GALNT18: variants seen among roughly 807,000 people sequenced by gnomAD.
The protein encoded by GALNT18 is polypeptide N-acetylgalactosaminyltransferase 18.
A neutral mutation model predicts 69.5 loss-of-function variants in GALNT18; 44 were observed. The ratio of observed to expected loss-of-function variants is 0.63; its 90% confidence interval spans 0.50 to 0.81. The LOEUF is 0.81. GALNT18 is among the 40% of genes least tolerant of loss of function. The pLI is 0.00. For synonymous variants in GALNT18, 364 were observed against 318.2 expected (o/e 1.14, Z -1.53); for missense variants, 715 against 810.0 (o/e 0.88, Z 1.42).
At chr11:11,498,562 G>T (rs1050665224) in intron 1 of GALNT18, among the ~76,000 whole-genome samples, 1 of 152,258 alleles carries the variant, frequency 6.6e-6, no homozygotes, top group South Asian at 2.1e-4. Flanking sequence ...ACTTTGGGAG[G>T]CCAAGGTGGG....
At position 11,595,035 on chromosome 11, in the gene GALNT18, TATAC is replaced by T. The variant is rs1307684295; in HGVS notation, c.235+26320_235+26323del. Among the ~76,000 whole-genome samples, 224 of 151,486 alleles carry T rather than the reference TATAC, an allele frequency of 1.5e-3. No individual in the cohort carries two copies. The highest frequency in any genetic ancestry group is 6.8e-3 in the Middle Eastern group (2 of 292). The stretch of plus-strand genomic sequence containing the variant: ...TATATAAAATCTCCAAGAATGAATA[TATAC>T]ATATATATTCATTCCTAGAATTGAA... On this transcript the variant is annotated intron_variant, in intron 1 of 10. Transcript: ENST00000227756. The surrounding 1 kb of genome is among the most constrained non-coding windows in gnomAD (Gnocchi z 5.2).
chr11:11,523,776 G>A lies in GALNT18; in HGVS notation c.236-74840C>T, dbSNP rs374420264. Among the ~76,000 whole-genome samples, 10 of 151,944 alleles carry A rather than the reference G, an allele frequency of 6.6e-5. No homozygotes were observed. The highest frequency in any genetic ancestry group is 6.3e-4 in the South Asian group (3 of 4,778). On this transcript the variant is annotated intron_variant, in intron 1 of 10. Transcript: ENST00000227756. This position sits in a 1 kb window ranked among gnomAD's most constrained non-coding sequence, Gnocchi z 4.3. ...CCCTGGGAAAGGAGGTAGGACACAC[G>A]GCTGCAAGCAACAGCAACAGCACTG...
In GALNT18 at chr11:11,377,286, T is replaced by C. The variant is rs1327484882; in HGVS notation, c.873A>G (p.Glu291=). The stretch of plus-strand genomic sequence containing the variant: ...AGCCCTGGGCAGCCAGCGGGTACTC[T>C]TCTATCTCAAAGTTGTCATATTTGA... ...DNIKYDNFEI[E]EYPLAAQGFD... is the part of the protein sequence containing the mutation. The change falls in exon 5 of 11, where the codon GAA becomes GAG. Residue 291 remains glutamate, a synonymous_variant. Coordinates refer to ENST00000227756, the MANE Select transcript of GALNT18 (RefSeq NM_198516.3). The surrounding 1 kb of genome is among the most constrained non-coding windows in gnomAD (Gnocchi z 4.6). 2 of 1,613,846 alleles carry C rather than the reference T, an allele frequency of 1.2e-6. No individual in the cohort carries two copies. The highest frequency in any genetic ancestry group is 1.7e-6 in the Non-Finnish European group (2 of 1,179,990).
At chr11:11,336,939 T>C (rs1850124375) in intron 7 of GALNT18, among the ~76,000 whole-genome samples, 1 of 152,076 alleles carries the variant, frequency 6.6e-6, no homozygotes, top group Non-Finnish European at 1.5e-5. Flanking sequence ...TCTTCTTACA[T>C]TGTGTGGAGG....
At chr11:11,427,410 G>A (rs938125640) in intron 3 of GALNT18, among the ~76,000 whole-genome samples, 2 of 152,182 alleles carry the variant, frequency 1.3e-5, no homozygotes, top group Non-Finnish European at 2.9e-5. Flanking sequence ...AGAGAGCTTG[G>A]GGAGACACGA....
chr11:11,609,521 A>AT (rs1489716930), intron 1 of GALNT18, among the ~76,000 whole-genome samples: 1 of 152,172 alleles, frequency 6.6e-6, no homozygotes, highest in East Asian at 1.9e-4. Context: ...CCACTGATAC[A>AT]TCCCCAGCAC....
Position 11,575,797 on chromosome 11 carries a change from C to T in GALNT18, c.235+45562G>A, listed in dbSNP as rs989406764. On this transcript the variant is annotated intron_variant, in intron 1 of 10. Coordinates refer to ENST00000227756, the MANE Select transcript of GALNT18 (RefSeq NM_198516.3). ...AAGAAGGGAGGAAGGAGGGGAGCCACTCAGCTAAGTGAGGACCTCACTGAT... is the reference window on the plus strand; with the variant it reads ...AAGAAGGGAGGAAGGAGGGGAGCCATTCAGCTAAGTGAGGACCTCACTGAT... Among the ~76,000 whole-genome samples, 51 of 152,356 alleles carry T rather than the reference C, an allele frequency of 3.3e-4. 1 individual carries two copies. The highest frequency in any genetic ancestry group is 1.6e-4 in the Non-Finnish European group (11 of 68,040).
At chr11:11,424,483 G>A (rs550226105) in intron 3 of GALNT18, among the ~76,000 whole-genome samples, 14 of 152,220 alleles carry the variant, frequency 9.2e-5, no homozygotes, top group African/African-American at 3.4e-4. Flanking sequence ...AAGTGGAGAT[G>A]GTGACCACAT....
intron 6 of GALNT18, among the ~76,000 whole-genome samples, chr11:11,346,503 G>A (rs1028235545): frequency 2.6e-5 from 4 of 152,218 alleles, no homozygotes; most frequent in Non-Finnish European, 5.9e-5. Context: ...AGCGCATACT[G>A]CTGCAATCAA....
At chr11:11,360,221 C>T (rs1355238814) in intron 6 of GALNT18, among the ~76,000 whole-genome samples, 1 of 152,222 alleles carries the variant, frequency 6.6e-6, no homozygotes, top group Non-Finnish European at 1.5e-5. Flanking sequence ...TCCCCATCTT[C>T]AGGATGCTCA....
chr11:11,453,762 T>A (rs1855861196), intron 1 of GALNT18, among the ~76,000 whole-genome samples: 1 of 152,332 alleles, frequency 6.6e-6, no homozygotes, highest in South Asian at 2.1e-4. Flanking sequence ...ACGTAAGGTG[T>A]GCTTTTGCTC....
In GALNT18 at chr11:11,600,860, ATC is replaced by A. The variant is rs1859616094; in HGVS notation, c.235+20497_235+20498del. ...TTTTCTCTTTTTTTCAGATGTGGTAATCTCTATTGATCTATCTTCAAATTTGC... is the reference window on the plus strand; with the variant it reads ...TTTTCTCTTTTTTTCAGATGTGGTAATCTATTGATCTATCTTCAAATTTGC... On this transcript the variant is annotated intron_variant, in intron 1 of 10. Transcript: ENST00000227756. The surrounding 1 kb of genome is among the most constrained non-coding windows in gnomAD (Gnocchi z 4.8). 6.6e-6 allele frequency among the ~76,000 whole-genome samples: 1 copy of A among 151,598 alleles called. No individual in the cohort carries two copies. Among genetic ancestry groups the A allele is most frequent in the African/African-American group, 2.4e-5 (1 of 41,264 alleles).
At chr11:11,593,534 G>A (rs988525770) in intron 1 of GALNT18, among the ~76,000 whole-genome samples, 5 of 152,154 alleles carry the variant, frequency 3.3e-5, no homozygotes, top group East Asian at 1.9e-4. Context: ...TTTTGTCCAC[G>A]TGTCCAAATG....
chr11:11,441,162 T>C (rs576267472), intron 2 of GALNT18, among the ~76,000 whole-genome samples: 3 of 152,320 alleles, frequency 2.0e-5, no homozygotes, highest in Non-Finnish European at 2.9e-5. Context: ...ACATTATACT[T>C]CTATTAATAT....
In GALNT18 at chr11:11,293,034, A is replaced by G. The variant is rs748503160; in HGVS notation, c.1672T>C (p.Ser558Pro). ...CCGGGCTCTGGGGCTGTTACCTGAG[A>G]GAACTGCCAGTGAAGCTTCATCCTC... is the stretch of plus-strand genomic sequence containing the variant. ...AKRMKLHWQFSQGGPIQNRKS... is the reference protein window; with the variant it reads ...AKRMKLHWQFPQGGPIQNRKS... Residue 558 changes from serine to proline, a missense_variant, in exon 10 of 11, where the codon TCT becomes CCT. Physicochemically the swap from Ser to Pro is moderately conservative, Grantham distance 74. Transcript: ENST00000227756. 1 of 1,373,318 alleles carries G rather than the reference A, an allele frequency of 7.3e-7. No homozygotes were observed. The highest frequency in any genetic ancestry group is 9.5e-7 in the Non-Finnish European group (1 of 1,053,782). The allele number at this position is 1,373,318 out of a possible 1,614,324, so 85.1% of individuals were successfully genotyped here.
Position 11,494,590 on chromosome 11 carries a change from C to T in GALNT18, c.236-45654G>A, listed in dbSNP as rs1237972031. ...AGGCAGAGTCATGCCTCACAATTCA[C>T]TGCAGCTCCCCTTCTTTCCACCGCT... On this transcript the variant is annotated intron_variant, in intron 1 of 10. Coordinates refer to ENST00000227756, the MANE Select transcript of GALNT18 (RefSeq NM_198516.3). This position sits in a 1 kb window ranked among gnomAD's most constrained non-coding sequence, Gnocchi z 5.7. Among the ~76,000 whole-genome samples the T allele has an allele frequency of 6.6e-6, 1 of 152,212 alleles. No individual in the cohort carries two copies.
At chr11:11,491,348 C>T (rs12794811) in intron 1 of GALNT18, among the ~76,000 whole-genome samples, 3,154 of 152,354 alleles carry the variant, frequency 0.021, 54 homozygotes, top group South Asian at 0.039. Context: ...TGAACACCTT[C>T]CAGACTTTCT....
intron 1 of GALNT18, among the ~76,000 whole-genome samples, chr11:11,609,929 C>G (rs1266615258): frequency 6.6e-6 from 1 of 152,140 alleles, no homozygotes; most frequent in Non-Finnish European, 1.5e-5. Flanking sequence ...GCCTAGAGGA[C>G]CCCCAAAATA....
intron 9 of GALNT18, among the ~76,000 whole-genome samples, chr11:11,298,741 CT>C (rs1484204334): frequency 5.9e-5 from 9 of 152,220 alleles, no homozygotes; most frequent in Non-Finnish European, 8.8e-5. Flanking sequence ...AGCAGGTCTT[CT>C]TTTGTCTTTT....
Sources: gnomAD v4.1 joint callset for allele counts (sites outside exome capture counted in the v4.1 genomes callset) on GRCh38, gnomAD v4.1.1 for gene constraint, Gnocchi (gnomAD v3.1) non-coding constraint, MANE v1.5 for transcripts, NCBI Gene and HGNC (gene_info 2026-07-23, HGNC 2026-07-21) for gene names.